The following PBX1 variants were observed in gnomAD, a reference collection of about 807,000 sequenced individuals.
PBX1 encodes the protein pre-B-cell leukemia transcription factor 1.
In PBX1, 6 loss-of-function variants were observed where a neutral mutation model predicts 53.4. The observed-to-expected ratio is 0.11, with a 90% CI of 0.06 to 0.22. The LOEUF is 0.22. PBX1 is among the 10% of genes least tolerant of loss of function. The pLI, the probability that PBX1 is intolerant of heterozygous loss-of-function variation, is 1.00. For missense variants in PBX1, 251 were observed against 551.4 expected (o/e 0.46, Z 5.46); for synonymous variants, 204 against 212.3 (o/e 0.96, Z 0.34).
chr1:164,653,348 GTTTT>G (rs112169043), intron 2 of PBX1, among the ~76,000 whole-genome samples: 2 of 143,956 alleles, frequency 1.4e-5, no homozygotes, highest in South Asian at 4.4e-4. Flanking sequence ...AGTCTCACTT[GTTTT>G]TTTTTTTTAA....
At chr1:164,687,426 G>T (rs1238997780) in intron 2 of PBX1, among the ~76,000 whole-genome samples, 1 of 151,984 alleles carries the variant, frequency 6.6e-6, no homozygotes, top group African/African-American at 2.4e-5. Flanking sequence ...GCCAGGTGTG[G>T]TGGGGCACGC....
chr1:164,803,945 TATAGTATCTGGC>T (rs1247568597), intron 4 of PBX1, among the ~76,000 whole-genome samples: 1 of 152,206 alleles, frequency 6.6e-6, no homozygotes, highest in East Asian at 1.9e-4. Context: ...TAAATATTAG[TATAGTATCTGGC>T]ATATAATATT....
chr1:164,858,043 T>G (rs1015922177), intron 2 of PBX1, among the ~76,000 whole-genome samples: 1 of 152,144 alleles, frequency 6.6e-6, no homozygotes, highest in Admixed American at 6.6e-5. Flanking sequence ...TATAAACTGT[T>G]AGCTATGGGT....
chr1:164,759,164 A>G (rs1361652729), intron 2 of PBX1, among the ~76,000 whole-genome samples: 2 of 152,240 alleles, frequency 1.3e-5, no homozygotes, highest in African/African-American at 4.8e-5. Flanking sequence ...ATCTAAAAAA[A>G]TATGCCTTTA....
intron 2 of PBX1, among the ~76,000 whole-genome samples, chr1:164,766,661 A>G (rs1016136610): frequency 1.3e-5 from 2 of 151,934 alleles, no homozygotes; most frequent in African/African-American, 2.4e-5. Flanking sequence ...TTCCTTATCA[A>G]TGGCTTCCAG....
intron 2 of PBX1, among the ~76,000 whole-genome samples, chr1:164,606,437 C>G (rs187534428): frequency 1.3e-4 from 20 of 152,164 alleles, no homozygotes; most frequent in African/African-American, 4.3e-4. Flanking sequence ...TTGCAGTGAG[C>G]TACGAAAATT....
chr1:164,745,581 A>G (rs1171199976), intron 2 of PBX1, among the ~76,000 whole-genome samples: 1 of 152,222 alleles, frequency 6.6e-6, no homozygotes, highest in Non-Finnish European at 1.5e-5. Context: ...ATCTAAATTT[A>G]AAGCACCCAA....
intron 2 of PBX1, among the ~76,000 whole-genome samples, chr1:164,753,956 G>A (rs1277262971): frequency 6.6e-6 from 1 of 152,188 alleles, no homozygotes; most frequent in Non-Finnish European, 1.5e-5. Flanking sequence ...TCTGTTTAGT[G>A]TGGTGGAGAA....
chr1:164,831,555 A>T (rs575325319), intron 8 of PBX1: 1 of 152,014 alleles, frequency 6.6e-6, no homozygotes, highest in East Asian at 1.9e-4. Context: ...TGCCCAGCTA[A>T]TTTTTTGTAT....
chr1:164,848,478 C>G lies in PBX1; in HGVS notation c.*1802C>G. 1 of 1,057,662 alleles carries G rather than the reference C, an allele frequency of 9.5e-7. No homozygotes were observed. Among genetic ancestry groups the G allele is most frequent in the Non-Finnish European group, 1.1e-6 (1 of 874,440 alleles). The allele number at this position is 1,057,662 out of a possible 1,614,324, so 65.5% of individuals were successfully genotyped here. A position where few individuals can be genotyped will look rare whatever the true frequency, so the allele number is the denominator to read the frequency against. ...GGGGAAGTAATGTCCCTGAAATAAA[C>G]GGGTTCATGCCATCTAGGGACAATA... is the stretch of plus-strand genomic sequence containing the variant. On this transcript the variant is annotated 3_prime_UTR_variant, in exon 9 of 9. Transcript: ENST00000420696.
chr1:164,813,880 T>C (rs1305725050), intron 6 of PBX1: 2 of 152,230 alleles, frequency 1.3e-5, no homozygotes, highest in African/African-American at 4.8e-5. Context: ...TCTTATGGAA[T>C]GTCAGACTAT....
intron 6 of PBX1, chr1:164,816,186 C>A (rs1026644622): frequency 6.6e-6 from 1 of 152,152 alleles, no homozygotes; most frequent in Non-Finnish European, 1.5e-5. Flanking sequence ...GAGATACATA[C>A]CTATTGAAGG....
At chr1:164,691,764 G>C (rs1163608365) in intron 2 of PBX1, among the ~76,000 whole-genome samples, 1 of 152,108 alleles carries the variant, frequency 6.6e-6, no homozygotes, top group Admixed American at 6.5e-5. Context: ...AGGCATATTT[G>C]AGTGTCTTCC....
chr1:164,620,888 G>A (rs773692282), intron 2 of PBX1, among the ~76,000 whole-genome samples: 1 of 151,994 alleles, frequency 6.6e-6, no homozygotes, highest in Non-Finnish European at 1.5e-5. Context: ...TCACTGTGTT[G>A]GCCAGGCTGG....
intron 2 of PBX1, among the ~76,000 whole-genome samples, chr1:164,688,040 C>T (rs1288291926): frequency 1.3e-5 from 2 of 152,172 alleles, no homozygotes. Context: ...ATGGTGCTCT[C>T]TAGGAACTAA....
intron 2 of PBX1, chr1:164,680,079 A>G (rs759495567): frequency 6.6e-6 from 1 of 152,178 alleles, no homozygotes; most frequent in Non-Finnish European, 1.5e-5. Context: ...AGTCCATTCC[A>G]TGTGGAAATC....
intron 2 of PBX1, among the ~76,000 whole-genome samples, chr1:164,623,791 G>T (rs181274825): frequency 7.3e-4 from 111 of 152,260 alleles, no homozygotes; most frequent in Non-Finnish European, 1.5e-3. Context: ...TAACGACGTC[G>T]CCTCATACGT....
chr1:164,782,457 T>TA (rs1667981316), intron 2 of PBX1, among the ~76,000 whole-genome samples: 1 of 152,182 alleles, frequency 6.6e-6, no homozygotes, highest in South Asian at 2.1e-4. Context: ...TCGTCTCCTG[T>TA]GATCTGTAGA....
chr1:164,607,109 G>A (rs1458574032), intron 2 of PBX1, among the ~76,000 whole-genome samples: 1 of 152,214 alleles, frequency 6.6e-6, no homozygotes, highest in African/African-American at 2.4e-5. Context: ...GTAGATTGGG[G>A]TCAGATTATG....
Sources: allele counts gnomAD v4.1 joint callset (sites outside exome capture counted in the v4.1 genomes callset), GRCh38; gene constraint gnomAD v4.1.1; transcripts MANE v1.5; gene names NCBI Gene and HGNC (gene_info 2026-07-23, HGNC 2026-07-21).